SNTG1: variants seen among roughly 807,000 people sequenced by gnomAD.
SNTG1 encodes the protein syntrophin gamma 1.
In SNTG1, 39 loss-of-function variants were observed where a neutral mutation model predicts 74.7. The ratio of observed to expected loss-of-function variants is 0.52; its 90% CI spans 0.40 to 0.68. The LOEUF (loss-of-function observed/expected upper bound fraction) is 0.68, where lower values mean the gene tolerates loss of function less well. Among genes scored for constraint, SNTG1 ranks in the 30% least tolerant of loss-of-function variants. The pLI, the probability that SNTG1 is intolerant of heterozygous loss-of-function variation, is 0.00. For missense variants in SNTG1, 685 were observed against 609.5 expected, an observed-to-expected ratio of 1.12 and a Z score of -1.30; for synonymous variants, 254 against 217.1, an observed-to-expected ratio of 1.17 and a Z score of -1.49.
chr8:50,506,623 G>A (rs1195819954), intron 9 of SNTG1, among the ~76,000 whole-genome samples: 1 of 151,614 alleles, frequency 6.6e-6, no homozygotes, highest in African/African-American at 2.4e-5. Flanking sequence ...TTTTTTTATT[G>A]TTAATGGATA....
At chr8:50,761,448 G>A (rs769991889) in intron 18 of SNTG1, among the ~76,000 whole-genome samples, 1 of 151,838 alleles carries the variant, frequency 6.6e-6, no homozygotes, top group Non-Finnish European at 1.5e-5. Context: ...AGTCACCCCC[G>A]CTTAGGTTGG....
chr8:49,990,373 CTT>C (rs138053119), intron 1 of SNTG1, among the ~76,000 whole-genome samples: 4 of 152,006 alleles, frequency 2.6e-5, no homozygotes, highest in Non-Finnish European at 5.9e-5. Context: ...TTTATACAAT[CTT>C]TATTAGATTC....
At chr8:50,024,094 G>A (rs556073323) in intron 1 of SNTG1, among the ~76,000 whole-genome samples, 2 of 152,314 alleles carry the variant, frequency 1.3e-5, no homozygotes, top group Admixed American at 1.3e-4. Flanking sequence ...TGATGGCAAT[G>A]CAGTTGGTTG....
chr8:50,450,288 T>C (rs887747481), intron 6 of SNTG1, among the ~76,000 whole-genome samples: 1 of 152,174 alleles, frequency 6.6e-6, no homozygotes, highest in African/African-American at 2.4e-5. Flanking sequence ...GAAAATGTGG[T>C]CTTTTACCCT....
intron 1 of SNTG1, among the ~76,000 whole-genome samples, chr8:50,087,504 C>A (rs78427367): frequency 6.6e-6 from 1 of 152,206 alleles, no homozygotes; most frequent in Non-Finnish European, 1.5e-5. Flanking sequence ...TCTTGCATAC[C>A]TCTTCCTACA....
chr8:50,638,696 T>C (rs1243143732), intron 13 of SNTG1, among the ~76,000 whole-genome samples: 3 of 152,084 alleles, frequency 2.0e-5, no homozygotes, highest in Non-Finnish European at 4.4e-5. Context: ...CCCTCCACCC[T>C]AGAGGAGGCG....
At chr8:50,631,603 G>A (rs975884596) in intron 13 of SNTG1, among the ~76,000 whole-genome samples, 13 of 152,220 alleles carry the variant, frequency 8.5e-5, no homozygotes, top group African/African-American at 3.1e-4. Context: ...TAAGTAAAGA[G>A]AAGCCCCATG....
rs1436801229 is a variant in SNTG1 at position 50,138,511 on chromosome 8, G to A, written c.-102-34050G>A. ...ATGGTGGCACACCCCTGTAATCCCAGCTACTCAGGAGGCTGAGGCAGGAGA... is the reference window on the plus strand; with the variant it reads ...ATGGTGGCACACCCCTGTAATCCCAACTACTCAGGAGGCTGAGGCAGGAGA... On this transcript the variant is annotated intron_variant, in intron 1 of 18. Transcript: ENST00000642720. Among the ~76,000 whole-genome samples, 6 of 151,848 alleles carry A rather than the reference G, an allele frequency of 4.0e-5. No individual in the cohort carries two copies. The South Asian group carries it at 6.3e-4, about 16-fold the overall frequency.
chr8:50,059,320 GTTGTT>G (rs139581427), intron 1 of SNTG1, among the ~76,000 whole-genome samples: 1 of 152,152 alleles, frequency 6.6e-6, no homozygotes, highest in Non-Finnish European at 1.5e-5. Flanking sequence ...CAATTTTGTT[GTTGTT>G]TTAACAGATT....
chr8:50,700,198 A>G (rs1213467588), intron 15 of SNTG1, among the ~76,000 whole-genome samples: 1 of 152,206 alleles, frequency 6.6e-6, no homozygotes, highest in African/African-American at 2.4e-5. Context: ...TAATACTTCT[A>G]GTCAATGCCA....
At position 50,036,550 on chromosome 8, in the gene SNTG1, T is replaced by C. The variant is rs573547186; in HGVS notation, c.-103+124319T>C. Among the ~76,000 whole-genome samples, 7 of 152,314 alleles carry C rather than the reference T, an allele frequency of 4.6e-5. No homozygotes were observed. In the South Asian group the frequency reaches 1.2e-3, roughly 27 times the overall value. On this transcript the variant is annotated intron_variant, in intron 1 of 18. Coordinates refer to ENST00000642720, the MANE Select transcript of SNTG1 (RefSeq NM_018967.5). ...TCTATCATCCCAGCTGTTTTCTTGT[T>C]CATCTCCTCACTAGACGAGACCTCC...
intron 2 of SNTG1, among the ~76,000 whole-genome samples, chr8:50,293,559 A>C (rs2089227691): frequency 1.3e-5 from 2 of 151,766 alleles, no homozygotes; most frequent in Admixed American, 1.3e-4. Flanking sequence ...ACAGGCATGC[A>C]CCAAAACGCC....
intron 5 of SNTG1, 149 bp downstream of exon 5, chr8:50,438,748 C>T (rs1344511290): frequency 3.3e-6 from 2 of 608,628 alleles, no homozygotes; most frequent in East Asian, 2.9e-5. Flanking sequence ...TAGGTAGGTT[C>T]TCACAGAATT....
chr8:50,090,362 G>A (rs1255802077), intron 1 of SNTG1, among the ~76,000 whole-genome samples: 6 of 152,154 alleles, frequency 3.9e-5, no homozygotes, highest in Non-Finnish European at 7.4e-5. Flanking sequence ...CCTGGATGCA[G>A]TTTCTCTCAC....
rs541812099 is a variant in SNTG1 at position 50,707,054 on chromosome 8, T to C, written c.1192-1832T>C. Reference sequence around the variant, plus strand: ...ATATTAAACATATTAACTATACGCATGATATGCTATTAATATTATAAATGA... The same window carrying C: ...ATATTAAACATATTAACTATACGCACGATATGCTATTAATATTATAAATGA... On this transcript the variant is annotated intron_variant, in intron 16 of 18. Coordinates refer to ENST00000642720, the MANE Select transcript of SNTG1 (RefSeq NM_018967.5). Among the ~76,000 whole-genome samples the C allele has an allele frequency of 2.6e-5, 4 of 152,120 alleles. 1 individual carries two copies. The South Asian group carries it at 8.3e-4, about 32-fold the overall frequency.
At chr8:50,670,114 C>T (rs1454748746) in intron 15 of SNTG1, among the ~76,000 whole-genome samples, 4 of 152,130 alleles carry the variant, frequency 2.6e-5, no homozygotes, top group Non-Finnish European at 4.4e-5. Flanking sequence ...TGGAAGCATT[C>T]CCTTTGAAAA....
chr8:49,959,270 G>T (rs749719463), intron 1 of SNTG1, among the ~76,000 whole-genome samples: 1 of 152,188 alleles, frequency 6.6e-6, no homozygotes, highest in Non-Finnish European at 1.5e-5. Flanking sequence ...AAGCAAGAAG[G>T]CAGGACAAAA....
chr8:50,433,049 C>G (rs1295411778), intron 4 of SNTG1, among the ~76,000 whole-genome samples: 1 of 152,144 alleles, frequency 6.6e-6, no homozygotes, highest in African/African-American at 2.4e-5. Context: ...CTCGGCCTCC[C>G]AAAGTGCTGG....
chr8:50,669,527 T>A (rs1032110432), intron 15 of SNTG1, among the ~76,000 whole-genome samples: 1 of 152,034 alleles, frequency 6.6e-6, no homozygotes, highest in Non-Finnish European at 1.5e-5. Flanking sequence ...AATAACAGGA[T>A]CTGAAATTGT....
Sources: allele counts gnomAD v4.1 joint callset (sites outside exome capture counted in the v4.1 genomes callset), GRCh38; gene constraint gnomAD v4.1.1; transcripts MANE v1.5; gene names NCBI Gene and HGNC (gene_info 2026-07-23, HGNC 2026-07-21).